The following ZFAND5 variants were observed in gnomAD, a reference collection of about 807,000 sequenced individuals.
ZFAND5 encodes the protein zinc finger AN1-type containing 5.
ZFAND5 carries 4 observed loss-of-function variants against 23.6 expected under a neutral mutation model. That is an observed-to-expected ratio of 0.17 (90% CI 0.08 to 0.39). ZFAND5 has a LOEUF of 0.39. Among genes scored for constraint, ZFAND5 ranks in the 10% least tolerant of loss-of-function variants. The pLI is 1.00. For synonymous variants in ZFAND5, 68 were observed against 80.6 expected, an observed-to-expected ratio of 0.84 and a Z score of 0.84; for missense variants, 161 against 253.7, an observed-to-expected ratio of 0.63 and a Z score of 2.48.
chr9:72,359,632 T>C, intron 4 of ZFAND5, 111 bp from the exon 5 acceptor site: 4 of 984,482 alleles, frequency 4.1e-6, no homozygotes, highest in South Asian at 3.7e-5. Context: ...AATGAGCAAA[T>C]GGAGCTAGAT....
At chr9:72,356,821 G>T (rs1841955793) in intron 6 of ZFAND5, 110 bp downstream of exon 6, 7 of 990,882 alleles carry the variant, frequency 7.1e-6, no homozygotes, top group African/African-American at 2.6e-5. Context: ...CAGCTAGTCA[G>T]GCTTTTTTTT....
In ZFAND5 at chr9:72,355,758, T is replaced by C; in HGVS notation, c.*195A>G. 2.1e-6 allele frequency: 1 copy of C among 466,850 alleles called. No homozygotes were observed. Among genetic ancestry groups the C allele is most frequent in the Non-Finnish European group, 3.7e-6 (1 of 273,912 alleles). The allele number at this position is 466,850 out of a possible 1,614,324, so 28.9% of individuals were successfully genotyped here. On this transcript the variant is annotated 3_prime_UTR_variant, in exon 7 of 7. Coordinates refer to ENST00000376962, the MANE Select transcript of ZFAND5 (RefSeq NM_001102420.3). ...TTTTTTTCAGGGGAGGGCATATACA[T>C]TTGTAGGGCTGTATCTATCCAATTC...
At chr9:72,356,168 C>G in intron 6 of ZFAND5, 67 bp from the exon 7 acceptor site, 1 of 1,563,500 alleles carries the variant, frequency 6.4e-7, no homozygotes, top group Admixed American at 2.2e-5. Context: ...AAGCCTTAGT[C>G]ACTATAGAAA....
chr9:72,360,722 G>A lies in ZFAND5; in HGVS notation c.57C>T (p.Gly19=), dbSNP rs370085780. 6.2e-7 allele frequency: 1 copy of A among 1,613,990 alleles called. No individual in the cohort carries two copies. Among genetic ancestry groups the A allele is most frequent in the Non-Finnish European group, 8.5e-7 (1 of 1,179,928 alleles). The change falls in exon 3 of 7, where the codon GGC becomes GGT. Residue 19 remains glycine, a synonymous_variant. Coordinates refer to ENST00000376962, the MANE Select transcript of ZFAND5 (RefSeq NM_001102420.3). ...CATTTGTCCTAGGATTTCCATAAAA[G>A]CCACATCCTGTGCTACACAGCATGG... is the stretch of plus-strand genomic sequence containing the variant. ...PGPMLCSTGC[G]FYGNPRTNGM...
At chr9:72,360,470 C>A in intron 3 of ZFAND5, 158 bp downstream of exon 3, 1 of 1,012,444 alleles carries the variant, frequency 9.9e-7, no homozygotes, top group Admixed American at 2.4e-5. Context: ...GTCATTCATT[C>A]CTGATCAGTC....
At chr9:72,358,431 C>CAGAA (rs1414958559) in intron 5 of ZFAND5, among the ~76,000 whole-genome samples, 1 of 152,042 alleles carries the variant, frequency 6.6e-6, no homozygotes, top group African/African-American at 2.4e-5. Flanking sequence ...CAGTGAATCA[C>CAGAA]AGAATGCCTA....
intron 5 of ZFAND5, among the ~76,000 whole-genome samples, chr9:72,358,539 C>T (rs1489468579): frequency 6.6e-6 from 1 of 151,892 alleles, no homozygotes; most frequent in Non-Finnish European, 1.5e-5. Context: ...AACAAAAACC[C>T]AAACAAAGGC....
At chr9:72,363,758 A>C in intron 1 of ZFAND5, 152 bp from the exon 2 acceptor site, 1 of 550,238 alleles carries the variant, frequency 1.8e-6, no homozygotes. Flanking sequence ...AAATCCTAAA[A>C]ATAAGGAATA....
At chr9:72,359,372 G>A (rs772795088) in intron 5 of ZFAND5, 46 bp downstream of exon 5, 18 of 1,580,154 alleles carry the variant, frequency 1.1e-5, no homozygotes, top group Non-Finnish European at 1.4e-5. Flanking sequence ...GCCATTTCTT[G>A]CACTATCAAA....
chr9:72,363,556 C>T lies in ZFAND5; in HGVS notation c.-96G>A, dbSNP rs932386490. 4.4e-6 allele frequency: 4 copies of T among 902,598 alleles called. No homozygotes were observed. In the Admixed American group the frequency reaches 2.5e-4, roughly 56 times the overall value. The allele number at this position is 902,598 out of a possible 1,614,324, so 55.9% of individuals were successfully genotyped here. ...GTCCTTACTTTCCAGATTTCAGTTC[C>T]CTCTTTGCCAAATGGAGTAGAATTG... is the stretch of plus-strand genomic sequence containing the variant. On this transcript the variant is annotated 5_prime_UTR_variant, in exon 2 of 7. Coordinates refer to ENST00000376962, the MANE Select transcript of ZFAND5 (RefSeq NM_001102420.3).
rs1259668904 is a variant in ZFAND5, at chr9:72,364,715, GA to G, written c.-167del. 1 of 844,598 alleles carries G rather than the reference GA, an allele frequency of 1.2e-6. No individual in the cohort carries two copies. The highest frequency in any genetic ancestry group is 1.9e-5 in the African/African-American group (1 of 53,354). 52.3% of individuals were successfully genotyped at this position (844,598 alleles called of 1,614,324 possible). A position where few individuals can be genotyped will look rare whatever the true frequency, so the allele number is the denominator to read the frequency against. ...ACTCACCCTGCAGGGTCCCAAATGC[GA>G]AAGCCGGGTTCGCGCGCGAAGCCGG... is the stretch of plus-strand genomic sequence containing the variant. On this transcript the variant is annotated 5_prime_UTR_variant, in exon 1 of 7. Coordinates refer to ENST00000376962, the MANE Select transcript of ZFAND5 (RefSeq NM_001102420.3).
At chr9:72,363,225 C>T (rs902323457) in intron 2 of ZFAND5, among the ~76,000 whole-genome samples, 1 of 151,998 alleles carries the variant, frequency 6.6e-6, no homozygotes, top group Non-Finnish European at 1.5e-5. Context: ...AAAAAAATAC[C>T]ATTACTATTT....
chr9:72,353,577 G>GGCAGGAGAATCACTTGAAC lies in ZFAND5; in HGVS notation c.*2357_*2375dup. 6.6e-6 allele frequency: 1 copy of GGCAGGAGAATCACTTGAAC among 152,260 alleles called. No individual in the cohort carries two copies. The highest frequency in any genetic ancestry group is 1.5e-5 in the Non-Finnish European group (1 of 68,130). The allele number at this position is 152,260 out of a possible 1,614,324, so 9.4% of individuals were successfully genotyped here. ...TGATCCCAGCTACTTAGGAGGCAGAGGCAGGAGAATCACTTGAACCCAGGA... is the reference window on the plus strand; with the variant it reads ...TGATCCCAGCTACTTAGGAGGCAGAGGCAGGAGAATCACTTGAACGCAGGAGAATCACTTGAACCCAGGA... On this transcript the variant is annotated 3_prime_UTR_variant, in exon 7 of 7. Coordinates refer to ENST00000376962, the MANE Select transcript of ZFAND5 (RefSeq NM_001102420.3).
intron 1 of ZFAND5, chr9:72,363,821 A>C (rs1185465934): frequency 9.6e-6 from 2 of 208,268 alleles, no homozygotes; most frequent in African/African-American, 4.7e-5. Flanking sequence ...CAGGTTTAAG[A>C]ACGGGGATGT....
chr9:72,353,303 T>C lies in ZFAND5; in HGVS notation c.*2650A>G, dbSNP rs1422600661. On this transcript the variant is annotated 3_prime_UTR_variant, in exon 7 of 7. Coordinates refer to ENST00000376962, the MANE Select transcript of ZFAND5 (RefSeq NM_001102420.3). Reference sequence around the variant, plus strand: ...ACACACTGATTCCCTTTCTCCCCAGTCAATGGACAACCCTGACAAATCTTT... The same window carrying C: ...ACACACTGATTCCCTTTCTCCCCAGCCAATGGACAACCCTGACAAATCTTT... 1 of 152,014 alleles carries C rather than the reference T, an allele frequency of 6.6e-6. No homozygotes were observed. The highest frequency in any genetic ancestry group is 2.4e-5 in the African/African-American group (1 of 41,380). 9.4% of individuals were successfully genotyped at this position (152,014 alleles called of 1,614,324 possible). A position where few individuals can be genotyped will look rare whatever the true frequency, so the allele number is the denominator to read the frequency against.
Position 72,353,368 on chromosome 9 carries a change from CAAA to C in ZFAND5, c.*2582_*2584del, listed in dbSNP as rs111831441. On this transcript the variant is annotated 3_prime_UTR_variant, in exon 7 of 7. Coordinates refer to ENST00000376962, the MANE Select transcript of ZFAND5 (RefSeq NM_001102420.3). ...TAATGTTTCTTGTAAAACAAACAAA[CAAA>C]AAAAAAACAAAAAAAACTGATTGGC... 7.0e-6 allele frequency: 1 copy of C among 143,800 alleles called. No homozygotes were observed. The highest frequency in any genetic ancestry group is 2.6e-5 in the African/African-American group (1 of 39,164). The allele number at this position is 143,800 out of a possible 1,614,324, so 8.9% of individuals were successfully genotyped here.
At chr9:72,356,865 G>A in intron 6 of ZFAND5, 66 bp downstream of exon 6, 1 of 1,588,066 alleles carries the variant, frequency 6.3e-7, no homozygotes. Flanking sequence ...AGTCTCTTAG[G>A]GAGTGACCAA....
In ZFAND5 at chr9:72,353,780, CTTCAACTTCTAAATT is replaced by C. The variant is rs1342603053; in HGVS notation, c.*2158_*2172del. The C allele has an allele frequency of 2.6e-5, 4 of 152,150 alleles. No individual in the cohort carries two copies. The highest frequency in any genetic ancestry group is 4.4e-5 in the Non-Finnish European group (3 of 68,042). 9.4% of individuals were successfully genotyped at this position (152,150 alleles called of 1,614,324 possible). A position where few individuals can be genotyped will look rare whatever the true frequency, so the allele number is the denominator to read the frequency against. On this transcript the variant is annotated 3_prime_UTR_variant, in exon 7 of 7. Transcript: ENST00000376962. ...GAAAAATTAAGTTGCCCTTCTAAAT[CTTCAACTTCTAAATT>C]TTCAACTCAATTGTGACTTTTCATA...
Position 72,355,878 on chromosome 9 carries a change from T to C in ZFAND5, c.*75A>G, listed in dbSNP as rs983405005. 9.5e-6 allele frequency: 13 copies of C among 1,366,678 alleles called. No homozygotes were observed. The highest frequency in any genetic ancestry group is 2.9e-5 in the African/African-American group (2 of 68,530). 84.7% of individuals were successfully genotyped at this position (1,366,678 alleles called of 1,614,324 possible). On this transcript the variant is annotated 3_prime_UTR_variant, in exon 7 of 7. Transcript: ENST00000376962. Reference sequence around the variant, plus strand: ...GGAGAACATCAAAGAAAAATGGCCATGCATCTGCTCTTTAATGTTTTCCTA... The same window carrying C: ...GGAGAACATCAAAGAAAAATGGCCACGCATCTGCTCTTTAATGTTTTCCTA...
Sources: allele counts gnomAD v4.1 joint callset (sites outside exome capture counted in the v4.1 genomes callset), GRCh38; gene constraint gnomAD v4.1.1; transcripts MANE v1.5; gene names NCBI Gene and HGNC (gene_info 2026-07-23, HGNC 2026-07-21).